Variants in INVS observed in about 807,000 individuals in gnomAD.
INVS encodes inversin.
Under a neutral mutation model 108.8 loss-of-function variants are expected in INVS, and 86 were observed. The observed-to-expected ratio is 0.79, with a 90% CI of 0.66 to 0.95. INVS has a LOEUF of 0.95. Among genes scored for constraint, INVS ranks in the 40% least tolerant of loss-of-function variants. The probability of loss-of-function intolerance (pLI) is 0.00; values close to 1 mark genes in which losing one functional copy is unlikely to be tolerated. For missense variants in INVS, 1,169 were observed against 1,297.4 expected (o/e 0.90, Z 1.52); for synonymous variants, 455 against 473.5 (o/e 0.96, Z 0.51).
In INVS at chr9:100,102,285, G is replaced by A. The variant is rs1045158898; in HGVS notation, c.-24-2213G>A. ...AGCTAATTTTTGTGTTTTTAGTAGGGACGGGGTTTCACCATATTGGTCAGG... is the reference window on the plus strand; with the variant it reads ...AGCTAATTTTTGTGTTTTTAGTAGGAACGGGGTTTCACCATATTGGTCAGG... On this transcript the variant is annotated intron_variant, in intron 1 of 16. Coordinates refer to ENST00000262457, the MANE Select transcript of INVS (RefSeq NM_014425.5). Among the ~76,000 whole-genome samples the A allele has an allele frequency of 2.6e-5, 4 of 152,096 alleles. No individual in the cohort carries two copies. In the South Asian group the frequency reaches 8.3e-4, roughly 32 times the overall value.
intron 3 of INVS, among the ~76,000 whole-genome samples, chr9:100,174,204 A>G (rs996335131): frequency 6.6e-6 from 1 of 152,230 alleles, no homozygotes; most frequent in African/African-American, 2.4e-5. Flanking sequence ...CTGCTTAAGG[A>G]TGCAAAGAAA....
intron 1 of INVS, chr9:100,102,861 A>AT (rs1181568105): frequency 2.6e-5 from 4 of 151,554 alleles, no homozygotes; most frequent in African/African-American, 4.9e-5. Context: ...TTTTTAACTA[A>AT]TTTTTTTTTC....
At chr9:100,117,616 C>A (rs1827583416) in intron 2 of INVS, 4 of 634,974 alleles carry the variant, frequency 6.3e-6, no homozygotes, top group Non-Finnish European at 8.2e-6. Flanking sequence ...CCCGCCCCCC[C>A]CGCCCACCTC....
intron 2 of INVS, among the ~76,000 whole-genome samples, chr9:100,110,860 T>C (rs1435428404): frequency 1.3e-5 from 2 of 152,220 alleles, no homozygotes; most frequent in Non-Finnish European, 2.9e-5. Context: ...TTATAAGTTA[T>C]AGAAATATTT....
chr9:100,214,651 G>A (rs1010859631), intron 3 of INVS, among the ~76,000 whole-genome samples: 7 of 152,168 alleles, frequency 4.6e-5, no homozygotes, highest in Admixed American at 6.5e-5. Flanking sequence ...ATACAACGGG[G>A]TCCACATTCA....
chr9:100,177,308 C>G (rs1279683987), intron 3 of INVS, among the ~76,000 whole-genome samples: 2 of 152,152 alleles, frequency 1.3e-5, no homozygotes, highest in African/African-American at 4.8e-5. Context: ...GGGCTGAAGT[C>G]AGGGAGCCAA....
In INVS at chr9:100,297,048, T is replaced by TCCCCCAAACCACTGCAGTAAGCAAGG; in HGVS notation, c.2926_2951dup (p.Ser985ProfsTer4). 2.5e-6 allele frequency: 4 copies of TCCCCCAAACCACTGCAGTAAGCAAGG among 1,613,482 alleles called. No homozygotes were observed. Among genetic ancestry groups the TCCCCCAAACCACTGCAGTAAGCAAGG allele is most frequent in the Non-Finnish European group, 3.4e-6 (4 of 1,179,890 alleles). ...TGGAGGAAGGAACTGGAACTAAAAT[T>TCCCCCAAACCACTGCAGTAAGCAAGG]CCCCCAAACCACTGCAGTAAGCAAG... On this transcript the variant is annotated frameshift_variant, in exon 15 of 17. Coordinates refer to ENST00000262457, the MANE Select transcript of INVS (RefSeq NM_014425.5). LOFTEE classifies it high-confidence loss of function.
intron 3 of INVS, among the ~76,000 whole-genome samples, chr9:100,221,770 C>G (rs1831159428): frequency 6.6e-6 from 1 of 152,006 alleles, no homozygotes; most frequent in African/African-American, 2.4e-5. Context: ...CTGTGGTCAA[C>G]CATGATCTAA....
intron 8 of INVS, 148 bp downstream of exon 8, chr9:100,246,935 C>G: frequency 1.3e-6 from 1 of 756,872 alleles, no homozygotes. Flanking sequence ...TTTGGGTTTG[C>G]CAGGATGTCA....
In INVS at chr9:100,300,551, GTATT is replaced by G; in HGVS notation, c.3092-15_3092-12del. 1.4e-6 allele frequency: 2 copies of G among 1,437,312 alleles called. No individual in the cohort carries two copies. The highest frequency in any genetic ancestry group is 2.0e-6 in the Non-Finnish European group (2 of 1,019,032). The allele number at this position is 1,437,312 out of a possible 1,614,324, so 89.0% of individuals were successfully genotyped here. On this transcript the variant is annotated splice_polypyrimidine_tract_variant and intron_variant, in intron 16 of 16. Coordinates refer to ENST00000262457, the MANE Select transcript of INVS (RefSeq NM_014425.5). ...AATTAATAACCTTAATATCTATCTG[GTATT>G]TGTTTTTAACAGTGAGCAACCTACA...
At chr9:100,228,307 T>C (rs1831399750) in intron 4 of INVS, among the ~76,000 whole-genome samples, 1 of 152,142 alleles carries the variant, frequency 6.6e-6, no homozygotes, top group Non-Finnish European at 1.5e-5. Flanking sequence ...TATTTTCTTT[T>C]AGAGAGACTC....
chr9:100,121,371 C>A (rs543042972), intron 2 of INVS, among the ~76,000 whole-genome samples: 156 of 152,284 alleles, frequency 1.0e-3, no homozygotes, highest in African/African-American at 3.6e-3. Context: ...GGCATGTATA[C>A]CAGGGGCTGG....
At chr9:100,161,925 A>G (rs928431659) in intron 3 of INVS, among the ~76,000 whole-genome samples, 4 of 152,176 alleles carry the variant, frequency 2.6e-5, no homozygotes, top group African/African-American at 9.7e-5. Context: ...TATCAATCCC[A>G]TTCATTGTTT....
chr9:100,207,139 T>C (rs751057212), intron 3 of INVS, among the ~76,000 whole-genome samples: 2 of 151,454 alleles, frequency 1.3e-5, no homozygotes, highest in African/African-American at 2.5e-5. Flanking sequence ...AATAAGTATC[T>C]TGTGGGAGCT....
At chr9:100,136,378 A>G (rs141999665) in intron 3 of INVS, among the ~76,000 whole-genome samples, 2,303 of 152,270 alleles carry the variant, frequency 0.015, 25 homozygotes, top group Non-Finnish European at 0.021. Flanking sequence ...TAGACTTCAA[A>G]CTGTTTTATT....
In INVS at chr9:100,292,568, G is replaced by A. The variant is rs115754570; in HGVS notation, c.2311G>A (p.Asp771Asn). The A allele has an allele frequency of 1.4e-4, 218 of 1,614,156 alleles. 1 individual carries two copies. In the African/African-American group the frequency reaches 2.4e-3, roughly 18 times the overall value. Residue 771 changes from aspartate (D) to asparagine (N), a missense_variant, in exon 14 of 17, where the codon GAT (aspartate) becomes AAT (asparagine). Asp to Asn is a conservative substitution (Grantham distance 23). Around this residue, in one of 3 missense-constraint regions of INVS, gnomAD observed 533 missense variants for 536.0 expected, o/e 0.99. Transcript: ENST00000262457. ...RRAAASLPPH[D>N]SHWKPSRRHD... ...GGCAGCTGCAAGCCTTCCACCGCAC[G>A]ATAGCCACTGGAAGCCCAGCAGGCG...
chr9:100,104,479 G>A lies in INVS; in HGVS notation c.-24-19G>A, dbSNP rs1389369981. 1.5e-6 allele frequency: 2 copies of A among 1,365,034 alleles called. No individual in the cohort carries two copies. Among genetic ancestry groups the A allele is most frequent in the Admixed American group, 1.7e-5 (1 of 59,484 alleles). 84.6% of individuals were successfully genotyped at this position (1,365,034 alleles called of 1,614,324 possible). A position where few individuals can be genotyped will look rare whatever the true frequency, so the allele number is the denominator to read the frequency against. ...GAAATGTTTGCTGCATGCGCTCATTGTCTGAATCATTGTTTCAGGTTGCTC... is the reference window on the plus strand; with the variant it reads ...GAAATGTTTGCTGCATGCGCTCATTATCTGAATCATTGTTTCAGGTTGCTC... On this transcript the variant is annotated intron_variant, in intron 1 of 16. Coordinates refer to ENST00000262457, the MANE Select transcript of INVS (RefSeq NM_014425.5).
chr9:100,113,463 C>T (rs1177181396), intron 2 of INVS, among the ~76,000 whole-genome samples: 2 of 152,174 alleles, frequency 1.3e-5, no homozygotes, highest in Non-Finnish European at 2.9e-5. Flanking sequence ...TGGGTTCCAG[C>T]GTATCCAAGA....
chr9:100,297,498 TTAGC>T (rs1833824208), intron 15 of INVS, among the ~76,000 whole-genome samples: 1 of 152,166 alleles, frequency 6.6e-6, no homozygotes, highest in African/African-American at 2.4e-5. Context: ...CATTCACGAC[TTAGC>T]TAGACTCTGC....
Sources: gnomAD v4.1 joint callset for allele counts (sites outside exome capture counted in the v4.1 genomes callset) on GRCh38, gnomAD v4.1.1 for gene constraint, gnomAD v4.1.1 regional missense constraint, MANE v1.5 for transcripts, NCBI Gene and HGNC (gene_info 2026-07-23, HGNC 2026-07-21) for gene names.